Variants in RNF180 observed in about 807,000 individuals in gnomAD.
RNF180 encodes ring finger protein 180, also known as E3 ubiquitin-protein ligase RNF180.
Under a neutral mutation model 59.2 loss-of-function variants are expected in RNF180, and 38 were observed. That is an observed-to-expected ratio of 0.64 (90% CI 0.50 to 0.84). The LOEUF (loss-of-function observed/expected upper bound fraction) is 0.84, where lower values mean the gene tolerates loss of function less well. Among genes scored for constraint, RNF180 ranks in the 40% least tolerant of loss-of-function variants. RNF180 has a pLI of 0.00. For missense variants in RNF180, 705 were observed against 700.9 expected (o/e 1.01, Z -0.07); for synonymous variants, 262 against 240.3 (o/e 1.09, Z -0.84).
At chr5:64,255,363 C>A (rs1329169915) in intron 5 of RNF180, among the ~76,000 whole-genome samples, 2 of 151,912 alleles carry the variant, frequency 1.3e-5, no homozygotes, top group East Asian at 3.9e-4. Flanking sequence ...CCCAGCCCCA[C>A]AACAGGCCCT....
chr5:64,177,543 A>G (rs1579931291), intron 1 of RNF180, among the ~76,000 whole-genome samples: 1 of 47,468 alleles, frequency 2.1e-5, no homozygotes, highest in Non-Finnish European at 4.4e-5. Flanking sequence ...ATATATATAT[A>G]TATATATATA....
chr5:64,219,719 C>G (rs1401544459), intron 5 of RNF180, among the ~76,000 whole-genome samples: 1 of 151,832 alleles, frequency 6.6e-6, no homozygotes, highest in East Asian at 1.9e-4. Flanking sequence ...TGGGGTTTCA[C>G]CATGTTGGCC....
intron 5 of RNF180, among the ~76,000 whole-genome samples, chr5:64,302,874 G>C (rs984730321): frequency 1.3e-5 from 2 of 151,592 alleles, no homozygotes; most frequent in African/African-American, 4.8e-5. Context: ...GGACATCACA[G>C]TTATATGCAG....
At chr5:64,339,926 T>A (rs1745293267) in intron 7 of RNF180, among the ~76,000 whole-genome samples, 1 of 152,164 alleles carries the variant, frequency 6.6e-6, no homozygotes, top group African/African-American at 2.4e-5. Context: ...AGAAAAGGAA[T>A]GGAAATAATC....
intron 7 of RNF180, among the ~76,000 whole-genome samples, chr5:64,360,965 A>G (rs1344770163): frequency 6.6e-6 from 1 of 151,646 alleles, no homozygotes; most frequent in African/African-American, 2.4e-5. Context: ...TAATACAAAC[A>G]AACCTATACT....
At chr5:64,213,139 C>T (rs1752396704) in intron 3 of RNF180, among the ~76,000 whole-genome samples, 1 of 152,158 alleles carries the variant, frequency 6.6e-6, no homozygotes, top group African/African-American at 2.4e-5. Context: ...AACGTTCCCT[C>T]CCACAGTGCT....
At chr5:64,218,763 A>C (rs1354673486) in intron 5 of RNF180, among the ~76,000 whole-genome samples, 2 of 152,158 alleles carry the variant, frequency 1.3e-5, no homozygotes, top group Admixed American at 6.5e-5. Context: ...AGTTTCCAGC[A>C]TTCAGAACCT....
chr5:64,286,443 C>G (rs1356098735), intron 5 of RNF180, among the ~76,000 whole-genome samples: 1 of 152,116 alleles, frequency 6.6e-6, no homozygotes, highest in Non-Finnish European at 1.5e-5. Flanking sequence ...AACTCCAATA[C>G]CCTAACAATA....
At position 64,359,835 on chromosome 5, in the gene RNF180, G is replaced by C. The variant is rs1452775068; in HGVS notation, c.1580-9780G>C. 2.0e-5 allele frequency among the ~76,000 whole-genome samples: 3 copies of C among 152,004 alleles called. No homozygotes were observed. The East Asian group carries it at 5.8e-4, about 30-fold the overall frequency. On this transcript the variant is annotated intron_variant, in intron 7 of 7. Transcript: ENST00000389100. Reference sequence around the variant, plus strand: ...GTATAAGGTGTAAGGAAGGGATCCAGTTTCAGCTTTCTACATATGGCTATC... The same window carrying C: ...GTATAAGGTGTAAGGAAGGGATCCACTTTCAGCTTTCTACATATGGCTATC...
At chr5:64,204,738 G>A (rs765539647) in intron 2 of RNF180, among the ~76,000 whole-genome samples, 1 of 152,138 alleles carries the variant, frequency 6.6e-6, no homozygotes, top group Non-Finnish European at 1.5e-5. Flanking sequence ...TATTGTGAGG[G>A]GAAATGTTTT....
intron 5 of RNF180, among the ~76,000 whole-genome samples, chr5:64,283,532 T>G (rs1022199319): frequency 2.0e-5 from 3 of 152,174 alleles, no homozygotes. Context: ...CCTCATAATC[T>G]GCACATGTCA....
At chr5:64,182,974 C>T (rs1750688636) in intron 1 of RNF180, among the ~76,000 whole-genome samples, 1 of 152,162 alleles carries the variant, frequency 6.6e-6, no homozygotes, top group African/African-American at 2.4e-5. Context: ...GTTGCTGCTT[C>T]CATTCCTTAC....
In RNF180 at chr5:64,369,898, T is replaced by A. The variant is rs1746602495; in HGVS notation, c.*84T>A. 1.4e-6 allele frequency: 1 copy of A among 726,024 alleles called. No homozygotes were observed. The highest frequency in any genetic ancestry group is 1.8e-5 in the African/African-American group (1 of 55,000). The allele number at this position is 726,024 out of a possible 1,614,324, so 45.0% of individuals were successfully genotyped here. A position where few individuals can be genotyped will look rare whatever the true frequency, so the allele number is the denominator to read the frequency against. On this transcript the variant is annotated 3_prime_UTR_variant, in exon 8 of 8. Transcript: ENST00000389100. Reference sequence around the variant, plus strand: ...AACATTTTTAAATGTGCTTTGAAGTTTTTTTAATGTTGCATTATACAAATT... The same window carrying A: ...AACATTTTTAAATGTGCTTTGAAGTATTTTTAATGTTGCATTATACAAATT...
chr5:64,171,044 G>A (rs1000741859), intron 1 of RNF180, among the ~76,000 whole-genome samples: 4 of 152,170 alleles, frequency 2.6e-5, no homozygotes, highest in Non-Finnish European at 5.9e-5. Context: ...TGGAGTAATA[G>A]TCAACGATAT....
At chr5:64,249,159 G>A (rs942889399) in intron 5 of RNF180, among the ~76,000 whole-genome samples, 1 of 152,102 alleles carries the variant, frequency 6.6e-6, no homozygotes, top group Non-Finnish European at 1.5e-5. Flanking sequence ...TGTAGGTGAC[G>A]GGTTAATTGG....
intron 7 of RNF180, among the ~76,000 whole-genome samples, chr5:64,344,873 C>T (rs1054372401): frequency 9.9e-5 from 15 of 151,890 alleles, no homozygotes; most frequent in African/African-American, 2.9e-4. Flanking sequence ...GACTTCCAGT[C>T]TGTAGGCTTA....
chr5:64,201,328 T>C lies in RNF180; in HGVS notation c.135+386T>C, dbSNP rs1416737307. Among the ~76,000 whole-genome samples, 9 of 152,334 alleles carry C rather than the reference T, an allele frequency of 5.9e-5. No homozygotes were observed. In the East Asian group the frequency reaches 1.7e-3, roughly 29 times the overall value. ...ATTGGAAACTTGTTATATAGGTTTT[T>C]TTTGTATTCACTATGGGCCTAGAAA... On this transcript the variant is annotated intron_variant, in intron 2 of 7. Coordinates refer to ENST00000389100, the MANE Select transcript of RNF180 (RefSeq NM_001113561.2).
chr5:64,322,177 A>G (rs1744386051), intron 5 of RNF180, among the ~76,000 whole-genome samples: 1 of 152,120 alleles, frequency 6.6e-6, no homozygotes, highest in Admixed American at 6.5e-5. Context: ...TTAAGCTAAC[A>G]AGCTTCTGCA....
intron 5 of RNF180, among the ~76,000 whole-genome samples, chr5:64,274,261 T>C (rs1469190581): frequency 1.3e-5 from 2 of 151,992 alleles, no homozygotes; most frequent in Non-Finnish European, 2.9e-5. Flanking sequence ...TGGGTACTTT[T>C]TTCAAATTCA....
Sources: gnomAD v4.1 joint callset for allele counts (sites outside exome capture counted in the v4.1 genomes callset) on GRCh38, gnomAD v4.1.1 for gene constraint, MANE v1.5 for transcripts, NCBI Gene and HGNC (gene_info 2026-07-23, HGNC 2026-07-21) for gene names.